The following PDK1 variants were observed in gnomAD, a reference collection of about 807,000 sequenced individuals.
The protein encoded by PDK1 is [Pyruvate dehydrogenase (acetyl-transferring)] kinase isozyme 1, mitochondrial.
Under a neutral mutation model 54.2 loss-of-function variants are expected in PDK1, and 39 were observed. The ratio of observed to expected loss-of-function variants is 0.72; its 90% CI spans 0.56 to 0.94. PDK1 has a LOEUF of 0.94. Ranked by LOEUF, PDK1 falls within the 40% of genes least tolerant of loss-of-function variation. The pLI is 0.00. For missense variants in PDK1, 552 were observed against 566.0 expected (o/e 0.98, Z 0.25); for synonymous variants, 221 against 207.1 (o/e 1.07, Z -0.58).
chr2:172,579,694 G>C (rs1689787715), intron 8 of PDK1, among the ~76,000 whole-genome samples: 3 of 148,052 alleles, frequency 2.0e-5, no homozygotes, highest in African/African-American at 5.1e-5. Context: ...TGTTTAACTA[G>C]AGTTTTTAAC....
chr2:172,590,421 A>T lies in PDK1; in HGVS notation c.1057-2514A>T, dbSNP rs116600800. 9.7e-4 allele frequency among the ~76,000 whole-genome samples: 147 copies of T among 152,028 alleles called. 1 individual carries two copies. Among genetic ancestry groups the T allele is most frequent in the African/African-American group, 3.3e-3 (137 of 41,476 alleles). On this transcript the variant is annotated intron_variant, in intron 9 of 10. Transcript: ENST00000282077. ...TTCCTTCAGATGTTTAGATGTGTCC[A>T]GAGTTTCTTTCTTCGGTGGGTTTGT...
At chr2:172,618,183 A>C in the PDK1 span, among the ~76,000 whole-genome samples, 1 of 152,320 alleles carries the variant, frequency 6.6e-6, no homozygotes, top group South Asian at 2.1e-4. Context: ...ATGGTAGACT[A>C]TGTAGGTAGG....
the PDK1 span, among the ~76,000 whole-genome samples, chr2:172,639,170 G>A: frequency 2.0e-5 from 3 of 152,162 alleles, no homozygotes; most frequent in Non-Finnish European, 4.4e-5. Context: ...ACAGGCATGA[G>A]CCACCATGCC....
the PDK1 span, among the ~76,000 whole-genome samples, chr2:172,655,501 C>G: frequency 0.011 from 1,629 of 152,324 alleles, 26 homozygotes; most frequent in African/African-American, 0.036. Context: ...TTTTATTTAA[C>G]TTTCTTTTCA....
the PDK1 span, among the ~76,000 whole-genome samples, chr2:172,618,893 C>T: frequency 6.6e-6 from 1 of 152,092 alleles, no homozygotes; most frequent in Non-Finnish European, 1.5e-5. Context: ...CATTTTATTC[C>T]TGCATCAGTG....
the PDK1 span, among the ~76,000 whole-genome samples, chr2:172,649,989 G>A: frequency 5.3e-5 from 8 of 152,174 alleles, 1 homozygote; most frequent in Middle Eastern, 0.01. Context: ...TACAGAGAAC[G>A]CCGCAAAGAT....
the PDK1 span, among the ~76,000 whole-genome samples, chr2:172,692,760 G>A: frequency 6.6e-6 from 1 of 152,122 alleles, no homozygotes; most frequent in Non-Finnish European, 1.5e-5. Context: ...CATGCCATGT[G>A]GTATCTGCAT....
chr2:172,592,291 ACTT>A (rs1553485160), intron 9 of PDK1, among the ~76,000 whole-genome samples: 2 of 151,848 alleles, frequency 1.3e-5, no homozygotes, highest in Non-Finnish European at 2.9e-5. Flanking sequence ...TTTCTTTACT[ACTT>A]CTATCTCTCT....
chr2:172,666,124 C>T, the PDK1 span, among the ~76,000 whole-genome samples: 4 of 152,152 alleles, frequency 2.6e-5, no homozygotes, highest in East Asian at 5.8e-4. Context: ...GCTGTATATA[C>T]GATCAATACT....
In PDK1 at chr2:172,596,548, A is replaced by G. The variant is rs1690904281; in HGVS notation, c.*579A>G. 6.6e-6 allele frequency: 1 copy of G among 152,284 alleles called. No individual in the cohort carries two copies. Among genetic ancestry groups the G allele is most frequent in the African/African-American group, 2.4e-5 (1 of 41,448 alleles). The allele number at this position is 152,284 out of a possible 1,614,324, so 9.4% of individuals were successfully genotyped here. The stretch of plus-strand genomic sequence containing the variant: ...GGTTAATTTACCATTTTTAAATTTT[A>G]TTGTAAAGAAGTGTAATGACTAGCT... On this transcript the variant is annotated 3_prime_UTR_variant, in exon 11 of 11. Coordinates refer to ENST00000282077, the MANE Select transcript of PDK1 (RefSeq NM_002610.5).
At chr2:172,681,607 G>T in the PDK1 span, among the ~76,000 whole-genome samples, 1 of 152,294 alleles carries the variant, frequency 6.6e-6, no homozygotes, top group East Asian at 1.9e-4. Context: ...ATGTAAAGTA[G>T]ACATGATGTT....
the PDK1 span, among the ~76,000 whole-genome samples, chr2:172,620,327 A>G: frequency 6.6e-6 from 1 of 152,308 alleles, no homozygotes; most frequent in South Asian, 2.1e-4. Context: ...GCACAGGTAG[A>G]TTTATAATAC....
intron 9 of PDK1, among the ~76,000 whole-genome samples, chr2:172,588,619 C>T (rs763304254): frequency 1.3e-5 from 2 of 152,174 alleles, no homozygotes; most frequent in African/African-American, 4.8e-5. Flanking sequence ...AAGGCTAAGA[C>T]TGTTACTAAT....
the PDK1 span, among the ~76,000 whole-genome samples, chr2:172,675,447 G>A: frequency 6.6e-6 from 1 of 152,206 alleles, no homozygotes; most frequent in Non-Finnish European, 1.5e-5. Context: ...AGAATGATAA[G>A]AAAGTGAAGC....
the PDK1 span, among the ~76,000 whole-genome samples, chr2:172,622,796 GT>G: frequency 1.4e-5 from 2 of 142,142 alleles, no homozygotes; most frequent in Non-Finnish European, 3.0e-5. Flanking sequence ...TGTGAGATAT[GT>G]TTATATATTA....
At chr2:172,646,830 G>A in the PDK1 span, among the ~76,000 whole-genome samples, 2,689 of 140,246 alleles carry the variant, frequency 0.019, 84 homozygotes, top group African/African-American at 0.067. Flanking sequence ...CTCTGCCTCC[G>A]AGGTTCAAGC....
chr2:172,597,460 T>C lies in PDK1; in HGVS notation c.*1491T>C, dbSNP rs1317384332. On this transcript the variant is annotated 3_prime_UTR_variant, in exon 11 of 11. Coordinates refer to ENST00000282077, the MANE Select transcript of PDK1 (RefSeq NM_002610.5). Reference sequence around the variant, plus strand: ...ATTTTCTAAAACTATCCAGATTTCATTATCAGGGAAAAGTTTGCTTAGGTT... The same window carrying C: ...ATTTTCTAAAACTATCCAGATTTCACTATCAGGGAAAAGTTTGCTTAGGTT... 6.6e-6 allele frequency: 1 copy of C among 152,256 alleles called. No homozygotes were observed. Among genetic ancestry groups the C allele is most frequent in the African/African-American group, 2.4e-5 (1 of 41,476 alleles). 9.4% of individuals were successfully genotyped at this position (152,256 alleles called of 1,614,324 possible).
At chr2:172,588,297 G>A (rs150906569) in intron 9 of PDK1, among the ~76,000 whole-genome samples, 2 of 152,322 alleles carry the variant, frequency 1.3e-5, no homozygotes, top group Admixed American at 6.5e-5. Flanking sequence ...TTTATGGAGA[G>A]CGGCATAGTG....
At chr2:172,657,404 A>T in the PDK1 span, among the ~76,000 whole-genome samples, 1 of 63,202 alleles carries the variant, frequency 1.6e-5, no homozygotes, top group Admixed American at 1.6e-4. Flanking sequence ...AGTTCTTTTC[A>T]TATTGAACCA....
Sources: allele counts gnomAD v4.1 joint callset (sites outside exome capture counted in the v4.1 genomes callset), GRCh38; gene constraint gnomAD v4.1.1; transcripts MANE v1.5; gene names NCBI Gene and HGNC (gene_info 2026-07-23, HGNC 2026-07-21).